The following RAB6B variants were observed in gnomAD, a reference collection of about 807,000 sequenced individuals.
RAB6B encodes the protein RAB6B, member RAS oncogene family.
RAB6B carries 7 observed loss-of-function variants against 31.2 expected under a neutral mutation model. That is an observed-to-expected ratio of 0.22 (90% confidence interval 0.13 to 0.42). The LOEUF is 0.42. RAB6B is among the 10% of genes least tolerant of loss of function. The pLI is 1.00. For synonymous variants in RAB6B, 105 were observed against 104.9 expected (o/e 1.00, Z -0.01); for missense variants, 149 against 280.6 (o/e 0.53, Z 3.35).
intron 2 of RAB6B, among the ~76,000 whole-genome samples, chr3:133,843,497 T>C (rs1361005340): frequency 6.6e-6 from 1 of 152,204 alleles, no homozygotes; most frequent in East Asian, 1.9e-4. Context: ...GTCTCTCAAC[T>C]CCTCAATGCT....
chr3:133,891,485 G>A (rs1306644263), intron 1 of RAB6B, among the ~76,000 whole-genome samples: 1 of 152,198 alleles, frequency 6.6e-6, no homozygotes, highest in Non-Finnish European at 1.5e-5. Flanking sequence ...AGCCCCCAGA[G>A]GCGGGTCAGG....
At chr3:133,844,806 G>C (rs1228796695) in intron 2 of RAB6B, among the ~76,000 whole-genome samples, 1 of 152,008 alleles carries the variant, frequency 6.6e-6, no homozygotes, top group Non-Finnish European at 1.5e-5. Context: ...AATCAGGTGT[G>C]GTGGTGCCTG....
intron 7 of RAB6B, among the ~76,000 whole-genome samples, chr3:133,830,932 A>G (rs186988953): frequency 6.6e-6 from 1 of 152,224 alleles, no homozygotes; most frequent in East Asian, 1.9e-4. Context: ...CCCCCAATTT[A>G]TGGTGAGCCA....
At chr3:133,894,813 C>G (rs372926621) in intron 1 of RAB6B, 20 of 152,882 alleles carry the variant, frequency 1.3e-4, no homozygotes, top group East Asian at 1.2e-3. Flanking sequence ...ATGGCCTGCA[C>G]TCGCTCTTTC....
rs141531095 is a variant in RAB6B at position 133,842,711 on chromosome 3, T to C, written c.130-1048A>G. ...TTAACTCAAATAGATCTATGAGTAT[T>C]TTTCATGTTTTCTTAGACACTGAAG... On this transcript the variant is annotated intron_variant, in intron 2 of 7. Coordinates refer to ENST00000285208, the MANE Select transcript of RAB6B (RefSeq NM_016577.4). 4.6e-4 allele frequency among the ~76,000 whole-genome samples: 70 copies of C among 152,354 alleles called. 2 individuals are homozygous for C. The East Asian group carries it at 0.012, about 25-fold the overall frequency.
intron 7 of RAB6B, among the ~76,000 whole-genome samples, chr3:133,833,099 C>T (rs1286294740): frequency 3.9e-5 from 6 of 152,192 alleles, no homozygotes; most frequent in African/African-American, 1.4e-4. Flanking sequence ...AGATCGCCTG[C>T]ACCTTGTCTG....
intron 1 of RAB6B, among the ~76,000 whole-genome samples, chr3:133,869,756 A>G (rs1168512956): frequency 1.3e-5 from 2 of 152,120 alleles, no homozygotes; most frequent in Non-Finnish European, 2.9e-5. Flanking sequence ...GCAACCCAGC[A>G]ACCATGCTGT....
chr3:133,890,656 AC>A (rs1170708348), intron 1 of RAB6B, among the ~76,000 whole-genome samples: 1 of 152,024 alleles, frequency 6.6e-6, no homozygotes, highest in African/African-American at 2.4e-5. Context: ...AACTTCCTTC[AC>A]TTTTAATCTA....
intron 4 of RAB6B, among the ~76,000 whole-genome samples, chr3:133,840,875 G>A (rs1195133421): frequency 6.6e-6 from 1 of 152,138 alleles, no homozygotes; most frequent in African/African-American, 2.4e-5. Context: ...CTGCTGGGCC[G>A]GGGTTGGCCT....
chr3:133,832,069 G>A (rs747586962), intron 7 of RAB6B, among the ~76,000 whole-genome samples: 8 of 152,154 alleles, frequency 5.3e-5, no homozygotes, highest in Non-Finnish European at 1.0e-4. Context: ...TCTGGTTTGC[G>A]GCGTCACTGT....
chr3:133,869,156 G>A (rs1469013538), intron 1 of RAB6B, among the ~76,000 whole-genome samples: 1 of 152,204 alleles, frequency 6.6e-6, no homozygotes, highest in Non-Finnish European at 1.5e-5. Flanking sequence ...GTGTGCAAAG[G>A]CACAGAGACA....
At chr3:133,851,236 A>G (rs972293606) in intron 2 of RAB6B, among the ~76,000 whole-genome samples, 3 of 152,252 alleles carry the variant, frequency 2.0e-5, no homozygotes, top group African/African-American at 7.2e-5. Flanking sequence ...AGCATCAGAA[A>G]TGGTAAATAC....
intron 1 of RAB6B, among the ~76,000 whole-genome samples, chr3:133,894,962 G>A (rs2108019879): frequency 6.6e-6 from 1 of 152,320 alleles, no homozygotes; most frequent in East Asian, 1.9e-4. Flanking sequence ...CCAGACCCCA[G>A]CTTCGCTTCG....
intron 1 of RAB6B, among the ~76,000 whole-genome samples, chr3:133,891,648 G>C (rs1936639221): frequency 6.6e-6 from 1 of 152,200 alleles, no homozygotes; most frequent in Admixed American, 6.5e-5. Flanking sequence ...TAAATAAACA[G>C]ATAATGGAGG....
At chr3:133,861,205 A>C (rs1936156422) in intron 2 of RAB6B, among the ~76,000 whole-genome samples, 1 of 152,224 alleles carries the variant, frequency 6.6e-6, no homozygotes, top group South Asian at 2.1e-4. Flanking sequence ...AATTTTGAAA[A>C]TTACTTAGTT....
intron 1 of RAB6B, among the ~76,000 whole-genome samples, chr3:133,890,493 T>C (rs1936622380): frequency 6.6e-6 from 1 of 152,070 alleles, no homozygotes; most frequent in Non-Finnish European, 1.5e-5. Context: ...TAGTCCCAGC[T>C]ACTCGGGAGG....
intron 3 of RAB6B, 105 bp downstream of exon 3, chr3:133,841,505 C>T: frequency 6.5e-7 from 1 of 1,535,308 alleles, no homozygotes; most frequent in Non-Finnish European, 9.0e-7. Flanking sequence ...CAGCTCCAGC[C>T]CCTAGTGTCG....
At chr3:133,878,505 T>C (rs908957802) in intron 1 of RAB6B, among the ~76,000 whole-genome samples, 1 of 152,190 alleles carries the variant, frequency 6.6e-6, no homozygotes, top group Non-Finnish European at 1.5e-5. Context: ...ACAGAATTCA[T>C]CACCAGCACA....
At chr3:133,846,143 G>A (rs1935905593) in intron 2 of RAB6B, among the ~76,000 whole-genome samples, 2 of 152,106 alleles carry the variant, frequency 1.3e-5, no homozygotes, top group South Asian at 4.1e-4. Flanking sequence ...TATCAAGTGA[G>A]CTGACATAAA....
Sources: allele counts gnomAD v4.1 joint callset (sites outside exome capture counted in the v4.1 genomes callset), GRCh38; gene constraint gnomAD v4.1.1; transcripts MANE v1.5; gene names NCBI Gene and HGNC (gene_info 2026-07-23, HGNC 2026-07-21).